Variants in RGS6 observed in about 807,000 individuals in gnomAD.
The protein encoded by RGS6 is regulator of G-protein signaling 6.
Under a neutral mutation model 78.5 loss-of-function variants are expected in RGS6, and 30 were observed. The observed-to-expected ratio is 0.38, with a 90% CI of 0.29 to 0.52. The LOEUF (loss-of-function observed/expected upper bound fraction) is 0.52, where lower values mean the gene tolerates loss of function less well. Ranked by LOEUF, RGS6 falls within the 20% of genes least tolerant of loss-of-function variation. RGS6 has a pLI of 0.85. For synonymous variants in RGS6, 206 were observed against 206.0 expected, an observed-to-expected ratio of 1.00 and a Z score of 0.00; for missense variants, 495 against 609.7, an observed-to-expected ratio of 0.81 and a Z score of 1.98.
intron 3 of RGS6, among the ~76,000 whole-genome samples, chr14:72,376,248 AC>A (rs2084686456): frequency 6.6e-6 from 1 of 152,206 alleles, no homozygotes. Flanking sequence ...ACCAGACTAG[AC>A]CAAGCAGAAT....
At chr14:72,547,368 G>T (rs1166126686) in intron 17 of RGS6, 2 of 1,529,474 alleles carry the variant, frequency 1.3e-6, no homozygotes, top group Middle Eastern at 1.7e-4. Context: ...AGGCTAAGAA[G>T]TAAGACCCCC....
intron 12 of RGS6, among the ~76,000 whole-genome samples, chr14:72,480,812 G>A (rs1050585626): frequency 7.9e-5 from 12 of 152,136 alleles, no homozygotes; most frequent in African/African-American, 2.9e-4. Context: ...GCCTGCTCCA[G>A]GTGATAAGTG....
intron 2 of RGS6, among the ~76,000 whole-genome samples, chr14:72,325,528 G>T (rs2073496077): frequency 6.6e-6 from 1 of 152,084 alleles, no homozygotes; most frequent in South Asian, 2.1e-4. Context: ...ATTAATTTTT[G>T]TATAAGGTGT....
At chr14:72,118,196 C>G (rs1186743848) in intron 2 of RGS6, among the ~76,000 whole-genome samples, 1 of 152,004 alleles carries the variant, frequency 6.6e-6, no homozygotes, top group African/African-American at 2.4e-5. Flanking sequence ...TCTGCAGCCT[C>G]TGGTGAACAT....
At chr14:72,206,876 A>G (rs893551702) in intron 2 of RGS6, among the ~76,000 whole-genome samples, 2 of 152,182 alleles carry the variant, frequency 1.3e-5, no homozygotes, top group African/African-American at 4.8e-5. Context: ...AAATACATGT[A>G]CAACCACATA....
chr14:72,404,080 T>C (rs1474895535), intron 3 of RGS6, among the ~76,000 whole-genome samples: 1 of 152,236 alleles, frequency 6.6e-6, no homozygotes, highest in African/African-American at 2.4e-5. Flanking sequence ...TGGACAGTCA[T>C]GCACAGTGTT....
chr14:72,407,695 G>A (rs1430213884), intron 3 of RGS6, among the ~76,000 whole-genome samples: 1 of 152,208 alleles, frequency 6.6e-6, no homozygotes, highest in Non-Finnish European at 1.5e-5. Context: ...AAACACAGAT[G>A]ACAGAACCTC....
At chr14:72,622,270 A>G in the RGS6 span, among the ~76,000 whole-genome samples, 2 of 152,344 alleles carry the variant, frequency 1.3e-5, no homozygotes, top group South Asian at 4.1e-4. Context: ...GAAGAAGTAC[A>G]CTTGGGGTAC....
Position 72,140,804 on chromosome 14 carries a change from A to G in RGS6, c.84+175929A>G, listed in dbSNP as rs187147248. Among the ~76,000 whole-genome samples, 222 of 152,308 alleles carry G rather than the reference A, an allele frequency of 1.5e-3. 1 individual carries two copies. The highest frequency in any genetic ancestry group is 6.8e-3 in the Middle Eastern group (2 of 294). ...TCAGCTGGGCTTTTGAGCAAGCTGC[A>G]TCTTGAATCTGAGGATGCGGGCAAG... On this transcript the variant is annotated intron_variant, in intron 2 of 17. Coordinates refer to ENST00000553525, the MANE Select transcript of RGS6 (RefSeq NM_001204424.2).
At chr14:71,989,813 GT>G (rs1375542061) in intron 2 of RGS6, among the ~76,000 whole-genome samples, 1 of 151,970 alleles carries the variant, frequency 6.6e-6, no homozygotes, top group Non-Finnish European at 1.5e-5. Context: ...GTTGTAGATG[GT>G]TTTTTTTGTT....
chr14:72,059,383 A>G (rs1035792836), intron 2 of RGS6, among the ~76,000 whole-genome samples: 4 of 152,202 alleles, frequency 2.6e-5, no homozygotes, highest in Non-Finnish European at 4.4e-5. Flanking sequence ...GGACTTTGGG[A>G]TGGAGTCTAA....
intron 17 of RGS6, among the ~76,000 whole-genome samples, chr14:72,552,223 C>A (rs1482378259): frequency 6.6e-6 from 1 of 152,194 alleles, no homozygotes; most frequent in Non-Finnish European, 1.5e-5. Flanking sequence ...TGATTGTTGG[C>A]TTATTTTTAA....
chr14:72,590,051 T>C, the RGS6 span, among the ~76,000 whole-genome samples: 2 of 152,180 alleles, frequency 1.3e-5, no homozygotes, highest in Non-Finnish European at 2.9e-5. Context: ...TGCTCAACAT[T>C]AGTAGTCATC....
At chr14:72,309,777 T>A (rs1189243260) in intron 2 of RGS6, among the ~76,000 whole-genome samples, 1 of 152,232 alleles carries the variant, frequency 6.6e-6, no homozygotes, top group Admixed American at 6.5e-5. Flanking sequence ...GTCCCTCAAA[T>A]CTCTGGCCAT....
intron 1 of RGS6, among the ~76,000 whole-genome samples, chr14:71,956,467 G>C (rs759746617): frequency 1.3e-5 from 2 of 151,894 alleles, no homozygotes; most frequent in Non-Finnish European, 2.9e-5. Flanking sequence ...TCCCACAAGA[G>C]GCTGTCTACA....
chr14:72,554,734 A>G (rs1300964590), intron 17 of RGS6, among the ~76,000 whole-genome samples: 2 of 152,194 alleles, frequency 1.3e-5, no homozygotes, highest in African/African-American at 2.4e-5. Flanking sequence ...GTTCCGTCAG[A>G]TGAGAGGAGG....
intron 2 of RGS6, among the ~76,000 whole-genome samples, chr14:72,222,291 C>T (rs776274285): frequency 6.6e-6 from 1 of 152,238 alleles, no homozygotes; most frequent in Non-Finnish European, 1.5e-5. Flanking sequence ...AGGGAATTCT[C>T]CAGGTAAATG....
chr14:71,947,119 T>C (rs991890), intron 1 of RGS6, among the ~76,000 whole-genome samples: 143,117 of 152,240 alleles, frequency 0.94, 67,368 homozygotes, highest in East Asian at 0.99. Context: ...GTACAATTCT[T>C]ATGCACAAGG....
intron 2 of RGS6, among the ~76,000 whole-genome samples, chr14:72,009,463 C>T (rs1028771567): frequency 2.6e-5 from 4 of 152,242 alleles, no homozygotes; most frequent in African/African-American, 9.6e-5. Context: ...TAAGCCCATG[C>T]TGTGTGATTC....
Sources: allele counts gnomAD v4.1 joint callset (sites outside exome capture counted in the v4.1 genomes callset), GRCh38; gene constraint gnomAD v4.1.1; transcripts MANE v1.5; gene names NCBI Gene and HGNC (gene_info 2026-07-23, HGNC 2026-07-21).